RELB: variants seen among roughly 807,000 people sequenced by gnomAD.
RELB encodes RELB proto-oncogene, NF-kB subunit.
RELB carries 14 observed loss-of-function variants against 55.4 expected under a neutral mutation model. The observed-to-expected ratio is 0.25, with a 90% CI of 0.17 to 0.40. The LOEUF (loss-of-function observed/expected upper bound fraction) is 0.40, where lower values mean the gene tolerates loss of function less well. RELB is among the 10% of genes least tolerant of loss of function. RELB has a pLI of 1.00. For missense variants in RELB, 669 were observed against 830.7 expected (o/e 0.81, Z 2.39); for synonymous variants, 409 against 371.3 (o/e 1.10, Z -1.17).
At chr19:45,010,529 G>A (rs1316176486) in intron 3 of RELB, among the ~76,000 whole-genome samples, 1 of 151,882 alleles carries the variant, frequency 6.6e-6, no homozygotes, top group Admixed American at 6.6e-5. Context: ...ACAGGACGAG[G>A]GAGAGATGGC....
At chr19:45,017,339 A>G (rs1418651126) in intron 4 of RELB, among the ~76,000 whole-genome samples, 2 of 150,732 alleles carry the variant, frequency 1.3e-5, no homozygotes, top group Non-Finnish European at 3.0e-5. Flanking sequence ...TTAAAAAAGA[A>G]AAATCTGGGG....
chr19:45,006,081 C>T (rs768243430), intron 2 of RELB, among the ~76,000 whole-genome samples: 13 of 152,190 alleles, frequency 8.5e-5, no homozygotes, highest in East Asian at 1.9e-4. Context: ...GAGGCAGACA[C>T]GTAAACAATA....
chr19:45,012,315 G>T (rs187374471), intron 4 of RELB, 39 bp downstream of exon 4: 2 of 1,288,424 alleles, frequency 1.6e-6, no homozygotes, highest in African/African-American at 3.1e-5. Context: ...TGGGACTGGG[G>T]CTTCCCCTGC....
chr19:45,038,190 G>A lies in RELB; in HGVS notation c.*400G>A, dbSNP rs1373674400. 5.9e-6 allele frequency: 1 copy of A among 168,836 alleles called. No individual in the cohort carries two copies. Among genetic ancestry groups the A allele is most frequent in the African/African-American group, 2.4e-5 (1 of 42,134 alleles). 10.5% of individuals were successfully genotyped at this position (168,836 alleles called of 1,614,324 possible). A position where few individuals can be genotyped will look rare whatever the true frequency, so the allele number is the denominator to read the frequency against. ...CTTCCCAATAAAGATGAGTTTTTGA[G>A]CCTCCGGGGTTTCGTCTGTTCTGGG... On this transcript the variant is annotated 3_prime_UTR_variant, in exon 12 of 12. Transcript: ENST00000221452.
At chr19:45,004,199 T>C (rs1346917532) in intron 2 of RELB, among the ~76,000 whole-genome samples, 43 of 141,696 alleles carry the variant, frequency 3.0e-4, no homozygotes, top group Middle Eastern at 8.8e-3. Flanking sequence ...ATTACAGGTG[T>C]GAGCCACCTC....
intron 2 of RELB, among the ~76,000 whole-genome samples, chr19:45,009,373 G>A (rs1236462714): frequency 2.0e-5 from 3 of 152,142 alleles, no homozygotes; most frequent in Non-Finnish European, 4.4e-5. Context: ...GAGCCACCAG[G>A]CCTGGCCACC....
At chr19:45,010,527 A>G (rs1971338060) in intron 3 of RELB, among the ~76,000 whole-genome samples, 1 of 151,918 alleles carries the variant, frequency 6.6e-6, no homozygotes. Flanking sequence ...AAACAGGACG[A>G]GGGAGAGATG....
Position 45,030,091 on chromosome 19 carries a change from C to T in RELB, c.991+1099C>T, listed in dbSNP as rs367596860. Reference sequence around the variant, plus strand: ...CTGAGGTGGGAGGATCACTTGAGCCCGGGAGGCGGAGGCTGCAGTGAGCCA... The same window carrying T: ...CTGAGGTGGGAGGATCACTTGAGCCTGGGAGGCGGAGGCTGCAGTGAGCCA... On this transcript the variant is annotated intron_variant, in intron 8 of 11. Coordinates refer to ENST00000221452, the MANE Select transcript of RELB (RefSeq NM_006509.4). Among the ~76,000 whole-genome samples, 6 of 152,100 alleles carry T rather than the reference C, an allele frequency of 3.9e-5. No homozygotes were observed. The East Asian group carries it at 5.8e-4, about 15-fold the overall frequency.
At chr19:45,013,900 AG>A (rs1261879372) in intron 4 of RELB, among the ~76,000 whole-genome samples, 2 of 152,098 alleles carry the variant, frequency 1.3e-5, no homozygotes, top group African/African-American at 4.8e-5. Context: ...TTTCCAGATT[AG>A]GTCAGATTAT....
Position 45,014,238 on chromosome 19 carries a change from C to T in RELB, c.504+1962C>T, listed in dbSNP as rs564597096. ...AGGCTGGAGTAAAGTGGCACAAGCA[C>T]GGCTCACTGCAGCCTCCACCTCCCA... On this transcript the variant is annotated intron_variant, in intron 4 of 11. Transcript: ENST00000221452. Among the ~76,000 whole-genome samples the T allele has an allele frequency of 2.7e-4, 40 of 148,526 alleles. No homozygotes were observed. The South Asian group carries it at 7.2e-3, about 27-fold the overall frequency.
At position 45,038,104 on chromosome 19, in the gene RELB, G is replaced by GTA; in HGVS notation, c.*314_*315insTA. 3.4e-6 allele frequency: 1 copy of GTA among 293,674 alleles called. No homozygotes were observed. Among genetic ancestry groups the GTA allele is most frequent in the East Asian group, 5.6e-5 (1 of 17,934 alleles). 18.2% of individuals were successfully genotyped at this position (293,674 alleles called of 1,614,324 possible). A position where few individuals can be genotyped will look rare whatever the true frequency, so the allele number is the denominator to read the frequency against. On this transcript the variant is annotated 3_prime_UTR_variant, in exon 12 of 12. Coordinates refer to ENST00000221452, the MANE Select transcript of RELB (RefSeq NM_006509.4). ...AAGATTGTACATATGGGAGGAGGGG[G>GTA]CAGATTCCTGGCCCTCCCTCCCCAG... is the stretch of plus-strand genomic sequence containing the variant.
chr19:45,024,120 C>T (rs1284365526), intron 5 of RELB, among the ~76,000 whole-genome samples: 1 of 151,436 alleles, frequency 6.6e-6, no homozygotes, highest in African/African-American at 2.4e-5. Flanking sequence ...GGATTACAGG[C>T]GTGAGCCACC....
intron 5 of RELB, among the ~76,000 whole-genome samples, chr19:45,024,642 C>T (rs1003699880): frequency 1.2e-4 from 18 of 152,058 alleles, no homozygotes; most frequent in Admixed American, 7.2e-4. Context: ...CTCTACCTCC[C>T]GGGCTCAAGC....
At chr19:45,018,473 A>T (rs981754233) in intron 4 of RELB, among the ~76,000 whole-genome samples, 13 of 80,254 alleles carry the variant, frequency 1.6e-4, no homozygotes, top group African/African-American at 9.0e-4. Flanking sequence ...AATCTTAGCT[A>T]CTTAGAAGGT....
chr19:45,031,947 A>G (rs560777184), intron 8 of RELB, among the ~76,000 whole-genome samples: 3 of 152,060 alleles, frequency 2.0e-5, no homozygotes, highest in Non-Finnish European at 2.9e-5. Context: ...ATAAAAATAC[A>G]TAAAACAAGG....
intron 2 of RELB, among the ~76,000 whole-genome samples, chr19:45,007,983 C>T (rs1319397210): frequency 2.8e-5 from 4 of 143,538 alleles, no homozygotes; most frequent in Non-Finnish European, 6.0e-5. Context: ...AGTAAAACCC[C>T]GTCTCTGCTA....
At chr19:45,029,187 C>T (rs35456698) in intron 8 of RELB, among the ~76,000 whole-genome samples, 195 bp downstream of exon 8, 5,241 of 152,264 alleles carry the variant, frequency 0.034, 314 homozygotes, top group African/African-American at 0.12. Context: ...CCTTCTCACC[C>T]GTCTGCGTAG....
rs1229208441 is a variant in RELB, at chr19:45,037,429, T to G, written c.1379T>G (p.Leu460Arg). The G allele has an allele frequency of 6.3e-7, 1 of 1,593,318 alleles. No individual in the cohort carries two copies. The highest frequency in any genetic ancestry group is 8.5e-7 in the Non-Finnish European group (1 of 1,174,064). ...GGCCCGTTCCTCCCGCCGTCAGCCC[T>G]GCTGCCAGACCCTGACTTCTTCTCT... The part of the protein sequence containing the change: ...GSGPFLPPSA[L>R]LPDPDFFSGT... The change falls in exon 12 of 12, where the codon CTG (leucine) becomes CGG (arginine). Residue 460 changes from leucine (L) to arginine (R), a missense_variant. Physicochemically the swap from Leu to Arg is moderately radical, Grantham distance 102. Around this residue, in one of 3 missense-constraint regions of RELB, gnomAD observed 341 missense variants for 436.8 expected, o/e 0.78. Transcript: ENST00000221452.
At chr19:45,031,184 A>G (rs2122484689) in intron 8 of RELB, among the ~76,000 whole-genome samples, 1 of 151,960 alleles carries the variant, frequency 6.6e-6, no homozygotes, top group South Asian at 2.1e-4. Context: ...ATGTCTCAAC[A>G]CTTTCAAGCC....
Sources: gnomAD v4.1 joint callset for allele counts (sites outside exome capture counted in the v4.1 genomes callset) on GRCh38, gnomAD v4.1.1 for gene constraint, gnomAD v4.1.1 regional missense constraint, MANE v1.5 for transcripts, NCBI Gene and HGNC (gene_info 2026-07-23, HGNC 2026-07-21) for gene names.